PRICKLE2: variants seen among roughly 807,000 people sequenced by gnomAD.
PRICKLE2 encodes prickle planar cell polarity protein 2, also known as prickle-like protein 2.
PRICKLE2 carries 21 observed loss-of-function variants against 81.4 expected under a neutral mutation model. The observed-to-expected ratio is 0.26, with a 90% CI of 0.18 to 0.37. PRICKLE2 has a LOEUF of 0.37. Ranked by LOEUF, PRICKLE2 falls within the 10% of genes least tolerant of loss-of-function variation. The pLI is 1.00. For missense variants in PRICKLE2, 940 were observed against 1,109.0 expected, an observed-to-expected ratio of 0.85 and a Z score of 2.16; for synonymous variants, 456 against 421.5, an observed-to-expected ratio of 1.08 and a Z score of -1.00.
intron 7 of PRICKLE2, chr3:64,142,048 C>T: frequency 1.7e-6 from 1 of 593,800 alleles, no homozygotes; most frequent in Non-Finnish European, 2.1e-6. Flanking sequence ...TGAGGGACAG[C>T]AGCAAAAACA....
intron 6 of PRICKLE2, among the ~76,000 whole-genome samples, chr3:64,152,396 A>C (rs1559542829): frequency 6.6e-6 from 1 of 152,218 alleles, no homozygotes; most frequent in Non-Finnish European, 1.5e-5. Context: ...ACAATGCAGT[A>C]TGATCTGGAA....
At chr3:64,117,593 C>A (rs2076956301) in intron 7 of PRICKLE2, among the ~76,000 whole-genome samples, 1 of 152,122 alleles carries the variant, frequency 6.6e-6, no homozygotes, top group Non-Finnish European at 1.5e-5. Context: ...AATGAACTCC[C>A]ATTCACAATT....
At chr3:64,133,147 C>A (rs1291863562) in intron 7 of PRICKLE2, among the ~76,000 whole-genome samples, 2 of 152,146 alleles carry the variant, frequency 1.3e-5, no homozygotes, top group African/African-American at 4.8e-5. Flanking sequence ...CCCTAACGTG[C>A]CCCTATATTA....
chr3:64,138,362 G>A (rs2077308542), intron 7 of PRICKLE2, among the ~76,000 whole-genome samples: 1 of 152,206 alleles, frequency 6.6e-6, no homozygotes, highest in African/African-American at 2.4e-5. Context: ...ACCAAAGTCA[G>A]GCAAATGAGA....
intron 7 of PRICKLE2, among the ~76,000 whole-genome samples, chr3:64,122,388 G>C (rs1039595261): frequency 2.6e-5 from 4 of 152,144 alleles, no homozygotes; most frequent in African/African-American, 9.7e-5. Flanking sequence ...TGCTGTGTCA[G>C]AATCACAGAA....
chr3:64,250,876 A>G (rs562003285), intron 2 of PRICKLE2, among the ~76,000 whole-genome samples: 83 of 152,192 alleles, frequency 5.5e-4, no homozygotes, highest in South Asian at 2.3e-3. Flanking sequence ...TACTCCCCCA[A>G]TAACCAGCAC....
At chr3:64,166,379 A>G (rs1266351416) in intron 2 of PRICKLE2, among the ~76,000 whole-genome samples, 1 of 152,202 alleles carries the variant, frequency 6.6e-6, no homozygotes, top group African/African-American at 2.4e-5. Flanking sequence ...ATGAATCCCA[A>G]CATGACATGA....
chr3:64,250,425 A>T (rs1471042651), intron 2 of PRICKLE2, among the ~76,000 whole-genome samples: 1 of 152,132 alleles, frequency 6.6e-6, no homozygotes. Context: ...CCAGCTAGGA[A>T]CTGCTGGGCT....
intron 1 of PRICKLE2, among the ~76,000 whole-genome samples, chr3:64,219,070 T>C (rs1295905205): frequency 2.0e-5 from 3 of 152,050 alleles, no homozygotes; most frequent in African/African-American, 7.2e-5. Flanking sequence ...TTCCCGCCAT[T>C]CTCTGGGGGG....
intron 2 of PRICKLE2, among the ~76,000 whole-genome samples, chr3:64,262,624 T>C (rs1398723132): frequency 7.0e-6 from 1 of 142,210 alleles, no homozygotes; most frequent in Non-Finnish European, 1.5e-5. Flanking sequence ...GCGGCTGACC[T>C]AAAAAAAAAA....
intron 2 of PRICKLE2, among the ~76,000 whole-genome samples, chr3:64,267,632 T>C (rs2079730776): frequency 6.6e-6 from 1 of 152,172 alleles, no homozygotes; most frequent in African/African-American, 2.4e-5. Context: ...CCTAATACAA[T>C]AATACCACCA....
chr3:64,220,955 T>C (rs2078943118), intron 1 of PRICKLE2, among the ~76,000 whole-genome samples: 1 of 152,176 alleles, frequency 6.6e-6, no homozygotes, highest in African/African-American at 2.4e-5. Context: ...TCCATGGTGC[T>C]CTAGTGGAAA....
intron 7 of PRICKLE2, among the ~76,000 whole-genome samples, chr3:64,132,740 T>C (rs555815042): frequency 6.6e-6 from 1 of 152,234 alleles, no homozygotes; most frequent in African/African-American, 2.4e-5. Flanking sequence ...TGGCTGGGGT[T>C]GAGGGTAGAT....
At chr3:64,201,361 C>T (rs1208120272) in intron 1 of PRICKLE2, among the ~76,000 whole-genome samples, 1 of 152,210 alleles carries the variant, frequency 6.6e-6, no homozygotes, top group Non-Finnish European at 1.5e-5. Flanking sequence ...ATTCCCACCA[C>T]TGATGAATGA....
chr3:64,217,216 T>TG (rs2078886014), intron 1 of PRICKLE2, among the ~76,000 whole-genome samples: 1 of 152,006 alleles, frequency 6.6e-6, no homozygotes, highest in Non-Finnish European at 1.5e-5. Context: ...CCTACATCAC[T>TG]GGTACTGAAA....
rs151111902 is a variant in PRICKLE2 at position 64,172,805 on chromosome 3, G to A, written c.145-9676C>T. 3.3e-5 allele frequency among the ~76,000 whole-genome samples: 5 copies of A among 152,198 alleles called. No homozygotes were observed. In the East Asian group the frequency reaches 9.7e-4, roughly 29 times the overall value. On this transcript the variant is annotated intron_variant, in intron 2 of 7. Coordinates refer to ENST00000638394, the MANE Select transcript of PRICKLE2 (RefSeq NM_198859.4). ...AGATTAAATGAGGTCATAAGGCTGGGGCCCTATTCAATAAGACTGGTGTCC... is the reference window on the plus strand; with the variant it reads ...AGATTAAATGAGGTCATAAGGCTGGAGCCCTATTCAATAAGACTGGTGTCC...
At chr3:64,167,683 ACT>A (rs2077858135) in intron 2 of PRICKLE2, among the ~76,000 whole-genome samples, 1 of 152,158 alleles carries the variant, frequency 6.6e-6, no homozygotes, top group Non-Finnish European at 1.5e-5. Context: ...AGAAGCAATA[ACT>A]CTGCATTTGG....
chr3:64,260,601 G>T (rs865998642), intron 2 of PRICKLE2, among the ~76,000 whole-genome samples: 2 of 152,314 alleles, frequency 1.3e-5, no homozygotes, highest in Middle Eastern at 6.8e-3. Flanking sequence ...ATGGCTTATG[G>T]GTTTTCAGAA....
intron 7 of PRICKLE2, among the ~76,000 whole-genome samples, chr3:64,144,824 C>A (rs2077418934): frequency 6.6e-6 from 1 of 152,160 alleles, no homozygotes. Context: ...ATAACCTGAT[C>A]AATAAGACAA....
Sources: gnomAD v4.1 joint callset for allele counts (sites outside exome capture counted in the v4.1 genomes callset) on GRCh38, gnomAD v4.1.1 for gene constraint, MANE v1.5 for transcripts, NCBI Gene and HGNC (gene_info 2026-07-23, HGNC 2026-07-21) for gene names.